The following LRRC4C variants were observed in gnomAD, a reference collection of about 807,000 sequenced individuals.
The protein encoded by LRRC4C is leucine rich repeat containing 4C.
Under a neutral mutation model 33.6 loss-of-function variants are expected in LRRC4C, and 5 were observed. The observed-to-expected ratio is 0.15, with a 90% CI of 0.08 to 0.31. The LOEUF is 0.31. LRRC4C is among the 10% of genes least tolerant of loss of function. The pLI, the probability that LRRC4C is intolerant of heterozygous loss-of-function variation, is 1.00. For synonymous variants in LRRC4C, 329 were observed against 302.0 expected (o/e 1.09, Z -0.93); for missense variants, 560 against 796.7 (o/e 0.70, Z 3.58).
At chr11:41,358,612 G>T (rs1013419750) in intron 1 of LRRC4C, among the ~76,000 whole-genome samples, 2 of 152,126 alleles carry the variant, frequency 1.3e-5, no homozygotes, top group African/African-American at 4.8e-5. Flanking sequence ...ATTTACATAT[G>T]AAAAATAAGT....
intron 3 of LRRC4C, among the ~76,000 whole-genome samples, chr11:40,613,050 G>T (rs1222436983): frequency 6.6e-6 from 1 of 151,910 alleles, no homozygotes; most frequent in Non-Finnish European, 1.5e-5. Context: ...TCTTTTTGCT[G>T]GTGGAGGGTC....
intron 2 of LRRC4C, among the ~76,000 whole-genome samples, chr11:40,809,855 AT>A (rs1951414012): frequency 1.3e-5 from 2 of 152,182 alleles, no homozygotes; most frequent in South Asian, 4.1e-4. Context: ...GGAAGACCTC[AT>A]TTTGACTTTC....
intron 1 of LRRC4C, among the ~76,000 whole-genome samples, chr11:41,172,132 C>T (rs1350701351): frequency 1.3e-5 from 2 of 152,104 alleles, no homozygotes; most frequent in East Asian, 3.9e-4. Flanking sequence ...GGAGGGAGAA[C>T]TGGCTGACAG....
intron 1 of LRRC4C, among the ~76,000 whole-genome samples, chr11:41,268,032 C>A (rs888027542): frequency 6.6e-6 from 1 of 152,012 alleles, no homozygotes; most frequent in Non-Finnish European, 1.5e-5. Context: ...GTGTTTATTT[C>A]TTAAACTTGT....
At chr11:41,366,126 C>A (rs1000299439) in intron 1 of LRRC4C, among the ~76,000 whole-genome samples, 1 of 151,484 alleles carries the variant, frequency 6.6e-6, no homozygotes, top group African/African-American at 2.4e-5. Flanking sequence ...ATTTATATAC[C>A]TGGTAAATTA....
chr11:40,616,395 C>G (rs532304783), intron 3 of LRRC4C, among the ~76,000 whole-genome samples: 1 of 152,128 alleles, frequency 6.6e-6, no homozygotes, highest in East Asian at 1.9e-4. Flanking sequence ...TTTGACCCAG[C>G]AAGCCTATTA....
At chr11:40,763,503 T>C (rs983897678) in intron 2 of LRRC4C, among the ~76,000 whole-genome samples, 1 of 152,128 alleles carries the variant, frequency 6.6e-6, no homozygotes, top group African/African-American at 2.4e-5. Flanking sequence ...CCAAAAATCA[T>C]GTGAGTGATC....
chr11:41,450,106 G>A (rs1036787498), intron 1 of LRRC4C, among the ~76,000 whole-genome samples: 5 of 152,142 alleles, frequency 3.3e-5, no homozygotes, highest in African/African-American at 1.2e-4. Flanking sequence ...ACTCTTCATG[G>A]TTGTGTTAAG....
At chr11:40,915,672 C>T (rs892157109) in intron 2 of LRRC4C, among the ~76,000 whole-genome samples, 2 of 152,140 alleles carry the variant, frequency 1.3e-5, no homozygotes, top group African/African-American at 4.8e-5. Flanking sequence ...AAAGTAATGG[C>T]AACAAAAGCC....
intron 1 of LRRC4C, among the ~76,000 whole-genome samples, chr11:40,976,528 T>C (rs1432843073): frequency 6.6e-5 from 10 of 152,120 alleles, no homozygotes. Context: ...ATAATTAAAG[T>C]GAAGAAAGGC....
intron 2 of LRRC4C, among the ~76,000 whole-genome samples, chr11:40,727,875 C>T (rs1469020069): frequency 6.6e-6 from 1 of 151,916 alleles, no homozygotes; most frequent in Admixed American, 6.6e-5. Flanking sequence ...ATGGCAAAAC[C>T]CTATCTCTAC....
chr11:41,388,453 C>A (rs890920805), intron 1 of LRRC4C, among the ~76,000 whole-genome samples: 1 of 151,748 alleles, frequency 6.6e-6, no homozygotes, highest in African/African-American at 2.4e-5. Flanking sequence ...GACAGATGTG[C>A]AAATAATCAT....
intron 5 of LRRC4C, among the ~76,000 whole-genome samples, chr11:40,208,210 G>T (rs912747693): frequency 7.2e-5 from 11 of 152,216 alleles, no homozygotes; most frequent in South Asian, 4.2e-4. Flanking sequence ...TCAAGCAGAC[G>T]CTATACCAGT....
chr11:40,676,780 G>C (rs1034216433), intron 2 of LRRC4C, among the ~76,000 whole-genome samples: 1 of 152,084 alleles, frequency 6.6e-6, no homozygotes, highest in Non-Finnish European at 1.5e-5. Context: ...CAAGCAAATA[G>C]GCCAAATAAT....
chr11:41,293,590 T>G (rs911686357), intron 1 of LRRC4C, among the ~76,000 whole-genome samples: 2 of 151,954 alleles, frequency 1.3e-5, no homozygotes, highest in East Asian at 3.8e-4. Context: ...ATTTTATTTT[T>G]ATTTTTATTT....
rs371074927 is a variant in LRRC4C, at chr11:41,398,683, T to A, written c.-496+60748A>T. ...ATGCCCACTCTGAAGACACAAAAACTGAGACTTAAAGTATTAAGTAAATTG... is the reference window on the plus strand; with the variant it reads ...ATGCCCACTCTGAAGACACAAAAACAGAGACTTAAAGTATTAAGTAAATTG... On this transcript the variant is annotated intron_variant, in intron 1 of 6. Transcript: ENST00000528697. Among the ~76,000 whole-genome samples the A allele has an allele frequency of 5.9e-5, 9 of 151,998 alleles. No homozygotes were observed. The South Asian group carries it at 1.4e-3, about 24-fold the overall frequency.
intron 2 of LRRC4C, among the ~76,000 whole-genome samples, chr11:40,911,126 C>T (rs1442988363): frequency 6.6e-6 from 1 of 152,196 alleles, no homozygotes; most frequent in Non-Finnish European, 1.5e-5. Flanking sequence ...GGGGGCAGGG[C>T]ATAGCCAAAC....
chr11:40,225,500 C>T (rs1290362210), intron 5 of LRRC4C, among the ~76,000 whole-genome samples: 1 of 152,208 alleles, frequency 6.6e-6, no homozygotes, highest in East Asian at 1.9e-4. Context: ...GTGAAGCTAC[C>T]TAACTAGTGG....
chr11:41,075,014 C>CTTTTTTTTTTTTATTTTT (rs1555064765), intron 1 of LRRC4C, among the ~76,000 whole-genome samples: 2 of 101,010 alleles, frequency 2.0e-5, no homozygotes, highest in Non-Finnish European at 2.3e-5. Context: ...CTTCAATTTT[C>CTTTTTTTTTTTTATTTTT]TTTTTTTTTT....
Sources: allele counts gnomAD v4.1 joint callset (sites outside exome capture counted in the v4.1 genomes callset), GRCh38; gene constraint gnomAD v4.1.1; transcripts MANE v1.5; gene names NCBI Gene and HGNC (gene_info 2026-07-23, HGNC 2026-07-21).